Variants in C12orf42 observed in about 807,000 individuals in gnomAD.
The protein encoded by C12orf42 is chromosome 12 open reading frame 42, also known as uncharacterized protein C12orf42.
A neutral mutation model predicts 21.6 loss-of-function variants in C12orf42; 25 were observed. That is an observed-to-expected ratio of 1.16 (90% CI 0.84 to 1.62). The LOEUF is 1.62. C12orf42 is among the 40% of genes most tolerant of loss of function. C12orf42 has a pLI of 0.00. For missense variants in C12orf42, 483 were observed against 459.3 expected (o/e 1.05, Z -0.47); for synonymous variants, 174 against 175.0 (o/e 0.99, Z 0.05).
chr12:103,292,860 C>G (rs2036913129), intron 4 of C12orf42, among the ~76,000 whole-genome samples: 1 of 151,934 alleles, frequency 6.6e-6, no homozygotes, highest in South Asian at 2.1e-4. Context: ...AGCTTTTTCT[C>G]TTCTTTAAAG....
chr12:103,525,167 G>T, the C12orf42 span, among the ~76,000 whole-genome samples: 1 of 152,156 alleles, frequency 6.6e-6, no homozygotes, highest in African/African-American at 2.4e-5. Flanking sequence ...ACAGGCATGT[G>T]CCACCAGACC....
the C12orf42 span, among the ~76,000 whole-genome samples, chr12:103,103,904 G>A: frequency 1.3e-5 from 2 of 151,630 alleles, no homozygotes; most frequent in African/African-American, 2.4e-5. Context: ...AGGTTCAAGC[G>A]ATTCTCCTGC....
the C12orf42 span, among the ~76,000 whole-genome samples, chr12:103,192,167 G>A: frequency 6.6e-6 from 1 of 152,000 alleles, no homozygotes; most frequent in Non-Finnish European, 1.5e-5. Context: ...CTAGTAGATT[G>A]GATTTAAAAA....
chr12:103,355,005 T>C (rs1163717784), intron 4 of C12orf42, among the ~76,000 whole-genome samples: 1 of 152,130 alleles, frequency 6.6e-6, no homozygotes, highest in East Asian at 1.9e-4. Context: ...ATATTAAACA[T>C]CACAGTGTAC....
the C12orf42 span, among the ~76,000 whole-genome samples, chr12:103,049,897 C>A: frequency 2.0e-5 from 3 of 152,206 alleles, no homozygotes; most frequent in Non-Finnish European, 4.4e-5. Flanking sequence ...ACAGCTCCCA[C>A]CCTCTACCCC....
chr12:103,173,019 A>C, the C12orf42 span, among the ~76,000 whole-genome samples: 3 of 152,136 alleles, frequency 2.0e-5, no homozygotes, highest in Admixed American at 6.6e-5. Flanking sequence ...TCCAGGAAAT[A>C]AATGTTTTTA....
chr12:103,253,792 A>T (rs1456803357), intron 10 of C12orf42, among the ~76,000 whole-genome samples: 1 of 151,518 alleles, frequency 6.6e-6, no homozygotes, highest in Non-Finnish European at 1.5e-5. Flanking sequence ...AAACTCCTTA[A>T]GGTGATAAAC....
chr12:103,071,732 TC>T, the C12orf42 span, among the ~76,000 whole-genome samples: 1 of 152,276 alleles, frequency 6.6e-6, no homozygotes, highest in Admixed American at 6.5e-5. Context: ...CTGTGAGACT[TC>T]CCCAGTCAAG....
the C12orf42 span, among the ~76,000 whole-genome samples, chr12:103,212,712 G>A: frequency 9.2e-5 from 14 of 152,018 alleles, no homozygotes; most frequent in South Asian, 2.1e-4. Flanking sequence ...TTATTTTATC[G>A]TTATTAGCAT....
the C12orf42 span, among the ~76,000 whole-genome samples, chr12:103,103,481 A>G: frequency 5.3e-5 from 8 of 152,238 alleles, no homozygotes; most frequent in Admixed American, 5.2e-4. Context: ...TCAGAGAGGT[A>G]GATAGGCTAG....
intron 2 of C12orf42, among the ~76,000 whole-genome samples, chr12:103,469,251 G>T (rs1953391212): frequency 6.6e-6 from 1 of 152,168 alleles, no homozygotes; most frequent in Non-Finnish European, 1.5e-5. Flanking sequence ...TCTCTTTTTT[G>T]GAGGCAGGCT....
the C12orf42 span, among the ~76,000 whole-genome samples, chr12:103,092,126 C>T: frequency 6.6e-6 from 1 of 152,130 alleles, no homozygotes; most frequent in East Asian, 1.9e-4. Flanking sequence ...CTTGGGGATA[C>T]CACAAAGGAT....
At chr12:103,274,641 CTGTG>C (rs1196188085) in intron 5 of C12orf42, among the ~76,000 whole-genome samples, 1 of 152,112 alleles carries the variant, frequency 6.6e-6, no homozygotes, top group Non-Finnish European at 1.5e-5. Flanking sequence ...GTCTGTCTGT[CTGTG>C]TGTGTCTGTG....
chr12:103,210,803 AT>A, the C12orf42 span, among the ~76,000 whole-genome samples: 1 of 151,842 alleles, frequency 6.6e-6, no homozygotes, highest in African/African-American at 2.4e-5. Context: ...CACAATCTCA[AT>A]ATAAGCAAAT....
chr12:103,132,019 C>T, the C12orf42 span, among the ~76,000 whole-genome samples: 1 of 152,098 alleles, frequency 6.6e-6, no homozygotes, highest in Non-Finnish European at 1.5e-5. Context: ...TTCAAACCGT[C>T]TATCAAGAAG....
chr12:103,437,281 T>C (rs992717325), intron 2 of C12orf42, among the ~76,000 whole-genome samples: 7 of 152,082 alleles, frequency 4.6e-5, no homozygotes, highest in African/African-American at 1.7e-4. Context: ...TTTATAGCAC[T>C]AAATGCCACA....
chr12:103,194,533 A>G, the C12orf42 span, among the ~76,000 whole-genome samples: 1 of 152,146 alleles, frequency 6.6e-6, no homozygotes, highest in African/African-American at 2.4e-5. Context: ...AACAAAGCAT[A>G]CCAAAAGAAA....
chr12:103,269,409 T>G (rs2035331011), intron 6 of C12orf42, among the ~76,000 whole-genome samples: 1 of 152,170 alleles, frequency 6.6e-6, no homozygotes, highest in Non-Finnish European at 1.5e-5. Flanking sequence ...ATACTCATAT[T>G]GTGTTTCATC....
chr12:103,253,563 T>C lies in C12orf42; in HGVS notation c.*1366+9763A>G, dbSNP rs2034410673. On this transcript the variant is annotated intron_variant and NMD_transcript_variant, in intron 10 of 10. Coordinates refer to the C12orf42 transcript ENST00000547347. ...ATCCCTAAGTATTTTATTTTACTTG[T>C]AGCAATTGTGAATGGGACTTCACTC... 3.3e-5 allele frequency among the ~76,000 whole-genome samples: 5 copies of C among 152,160 alleles called. No homozygotes were observed. In the South Asian group the frequency reaches 1.0e-3, roughly 31 times the overall value.
Sources: allele counts gnomAD v4.1 joint callset (sites outside exome capture counted in the v4.1 genomes callset), GRCh38; gene constraint gnomAD v4.1.1; transcripts MANE v1.5; gene names NCBI Gene and HGNC (gene_info 2026-07-23, HGNC 2026-07-21).